The following DNAH8 variants were observed in gnomAD, a reference collection of about 807,000 sequenced individuals.
DNAH8 encodes axonemal beta dynein heavy chain 8.
A neutral mutation model predicts 562.1 loss-of-function variants in DNAH8; 382 were observed. That is an observed-to-expected ratio of 0.68 (90% CI 0.63 to 0.74). The LOEUF is 0.74. DNAH8 is among the 30% of genes least tolerant of loss of function. The pLI is 0.00. For missense variants in DNAH8, 5,203 were observed against 5,620.4 expected (o/e 0.93, Z 2.37); for synonymous variants, 1,881 against 1,919.4 (o/e 0.98, Z 0.52).
intron 80 of DNAH8, among the ~76,000 whole-genome samples, chr6:38,945,982 AAATT>A (rs1393610790): frequency 3.3e-5 from 5 of 152,214 alleles, no homozygotes; most frequent in Non-Finnish European, 7.3e-5. Flanking sequence ...TCCCTCTAAA[AAATT>A]AATTATTTTA....
At chr6:38,910,383 C>A (rs1210277364) in intron 65 of DNAH8, among the ~76,000 whole-genome samples, 3 of 152,166 alleles carry the variant, frequency 2.0e-5, no homozygotes, top group Admixed American at 6.5e-5. Flanking sequence ...AAAAGCTATG[C>A]CTGTTTTTCT....
chr6:38,750,509 A>G lies in DNAH8; in HGVS notation c.1327A>G (p.Thr443Ala), dbSNP rs748017047. 1.2e-6 allele frequency: 2 copies of G among 1,611,958 alleles called. No individual in the cohort carries two copies. The highest frequency in any genetic ancestry group is 1.7e-4 in the Middle Eastern group (1 of 6,056). ...TGATTTGGATGCAAGAATCACTGAT[A>G]CAGCAAATGAATCCAAAGATAATGT... ...WRDLDARITD[T>A]ANESKDNVRY... Residue 443 changes from threonine (T) to alanine (A), a missense_variant, in exon 9 of 93, where the codon ACA becomes GCA. Thr to Ala is a moderately conservative substitution (Grantham distance 58, BLOSUM62 0). This residue lies in a region of DNAH8 where 2,176 missense variants were observed against 2,365.1 expected (regional missense o/e 0.92). Coordinates refer to ENST00000327475, the MANE Select transcript of DNAH8 (RefSeq NM_001206927.2).
chr6:38,761,874 C>T (rs1287022041), intron 11 of DNAH8, 71 bp downstream of exon 11: 1 of 890,930 alleles, frequency 1.1e-6, no homozygotes, highest in Non-Finnish European at 1.7e-6. Context: ...TTTGTTTATT[C>T]ACAAAATATG....
intron 8 of DNAH8, chr6:38,744,201 T>A (rs1207958744): frequency 2.0e-5 from 3 of 152,252 alleles, no homozygotes; most frequent in Non-Finnish European, 4.4e-5. Flanking sequence ...GCTGTCCACA[T>A]TATGTTTGGC....
At chr6:38,894,087 G>A (rs981278937) in intron 58 of DNAH8, among the ~76,000 whole-genome samples, 4 of 152,078 alleles carry the variant, frequency 2.6e-5, no homozygotes, top group Non-Finnish European at 5.9e-5. Flanking sequence ...ATTACTATAC[G>A]TATAGCTGCA....
chr6:38,839,285 A>G (rs1175618529), intron 33 of DNAH8, among the ~76,000 whole-genome samples: 2 of 151,660 alleles, frequency 1.3e-5, no homozygotes, highest in Non-Finnish European at 2.9e-5. Flanking sequence ...CCAACAGACC[A>G]TTTTCATTTT....
chr6:38,996,818 C>T (rs1315482087), intron 88 of DNAH8, among the ~76,000 whole-genome samples: 1 of 152,194 alleles, frequency 6.6e-6, no homozygotes, highest in Non-Finnish European at 1.5e-5. Context: ...TTTGTCAAGT[C>T]TCTCTTCACA....
chr6:38,722,553 A>G (rs1431032307), intron 1 of DNAH8, among the ~76,000 whole-genome samples: 1 of 150,640 alleles, frequency 6.6e-6, no homozygotes, highest in Non-Finnish European at 1.5e-5. Context: ...AGGAGCACTT[A>G]AAGTCTGAAA....
chr6:38,791,782 T>A, intron 21 of DNAH8, 108 bp downstream of exon 21: 1 of 1,136,826 alleles, frequency 8.8e-7, no homozygotes, highest in Non-Finnish European at 1.2e-6. Flanking sequence ...ATTTAGACTT[T>A]TTTTTTTTGT....
rs546529033 is a variant in DNAH8, at chr6:38,944,959, A to G, written c.12008-508A>G. ...CTCCCACCCTCCTTCCTTAACCCTA[A>G]CCCCAACCTTAACCCTAACCCTAAC... is the stretch of plus-strand genomic sequence containing the variant. On this transcript the variant is annotated intron_variant, in intron 79 of 92. Transcript: ENST00000327475. 2.7e-5 allele frequency among the ~76,000 whole-genome samples: 4 copies of G among 150,886 alleles called. No homozygotes were observed. In the East Asian group the frequency reaches 7.9e-4, roughly 30 times the overall value.
chr6:38,792,701 C>A (rs1274696403), intron 21 of DNAH8, among the ~76,000 whole-genome samples: 1 of 152,148 alleles, frequency 6.6e-6, no homozygotes, highest in African/African-American at 2.4e-5. Flanking sequence ...AGACAGGAAC[C>A]CTGTCTAAAC....
At chr6:38,918,197 T>TG in intron 70 of DNAH8, 57 bp downstream of exon 70, 1 of 1,216,196 alleles carries the variant, frequency 8.2e-7, no homozygotes, top group Non-Finnish European at 1.2e-6. Flanking sequence ...CAGTCATCAG[T>TG]ATTACTGCTA....
chr6:39,028,816 A>G (rs1051563046), intron 92 of DNAH8, among the ~76,000 whole-genome samples: 3 of 152,068 alleles, frequency 2.0e-5, no homozygotes, highest in Admixed American at 1.3e-4. Flanking sequence ...ATATGTCCTG[A>G]TTTTCTGGGA....
intron 50 of DNAH8, 44 bp from the exon 51 acceptor site, chr6:38,872,862 T>C: frequency 1.2e-6 from 2 of 1,607,028 alleles, no homozygotes; most frequent in Admixed American, 3.4e-5. Context: ...TCCATTTTAA[T>C]TACTTGCAAG....
rs771369727 is a variant in DNAH8, at chr6:39,030,185, C to T, written c.13917C>T (p.Pro4639=). 1.9e-6 allele frequency: 3 copies of T among 1,614,028 alleles called. No individual in the cohort carries two copies. The highest frequency in any genetic ancestry group is 1.7e-5 in the Admixed American group (1 of 59,998). The change falls in exon 93 of 93, where the codon CCC becomes CCT. Residue 4639 remains proline, a synonymous_variant. Transcript: ENST00000327475. ...ATGGGAAGCTCATGGAATCCACCCCCAAGGTACTCTTCACGCAGTTACCCG... is the reference window on the plus strand; with the variant it reads ...ATGGGAAGCTCATGGAATCCACCCCTAAGGTACTCTTCACGCAGTTACCCG... ...RRNGKLMEST[P]KVLFTQLPVL... is the part of the protein sequence containing the mutation.
chr6:38,736,895 A>G (rs1764139270), intron 5 of DNAH8, among the ~76,000 whole-genome samples, 172 bp from the exon 6 acceptor site: 1 of 152,208 alleles, frequency 6.6e-6, no homozygotes, highest in South Asian at 2.1e-4. Flanking sequence ...TTGGGGGCAG[A>G]ATATAAGTTT....
intron 5 of DNAH8, among the ~76,000 whole-genome samples, chr6:38,735,885 C>T (rs1342028748): frequency 6.6e-6 from 1 of 152,114 alleles, no homozygotes; most frequent in Non-Finnish European, 1.5e-5. Flanking sequence ...ACCCTGTACT[C>T]CCGGCACTTT....
intron 53 of DNAH8, among the ~76,000 whole-genome samples, 154 bp from the exon 54 acceptor site, chr6:38,882,754 GAC>G: frequency 6.6e-6 from 1 of 152,242 alleles, no homozygotes; most frequent in Middle Eastern, 3.4e-3. Flanking sequence ...AAATGCTGTA[GAC>G]ATAAGATAAG....
rs72849921 is a variant in DNAH8, at chr6:38,782,766, G to A, written c.2260-238G>A. Reference sequence around the variant, plus strand: ...CCTGGGGCAGGCTGTGGGGCTGGAGGCCTCTCTCTTTCTAAACCCTTTGTT... The same window carrying A: ...CCTGGGGCAGGCTGTGGGGCTGGAGACCTCTCTCTTTCTAAACCCTTTGTT... On this transcript the variant is annotated intron_variant, in intron 16 of 92. Coordinates refer to ENST00000327475, the MANE Select transcript of DNAH8 (RefSeq NM_001206927.2). Among the ~76,000 whole-genome samples the A allele has an allele frequency of 0.27, 40,849 of 151,906 alleles. 6,378 individuals are homozygous for A. The highest frequency in any genetic ancestry group is 0.35 in the Admixed American group (5,352 of 15,254).
Sources: gnomAD v4.1 joint callset for allele counts (sites outside exome capture counted in the v4.1 genomes callset) on GRCh38, gnomAD v4.1.1 for gene constraint, gnomAD v4.1.1 regional missense constraint, MANE v1.5 for transcripts, NCBI Gene and HGNC (gene_info 2026-07-23, HGNC 2026-07-21) for gene names.